PSEN1: variants seen among roughly 807,000 people sequenced by gnomAD.
PSEN1 encodes the protein presenilin 1, also known as presenilin-1.
Under a neutral mutation model 53.5 loss-of-function variants are expected in PSEN1, and 15 were observed. The observed-to-expected ratio is 0.28, with a 90% CI of 0.19 to 0.43. The LOEUF (loss-of-function observed/expected upper bound fraction) is 0.43. Among genes scored for constraint, PSEN1 ranks in the 20% least tolerant of loss-of-function variants. The pLI is 1.00. For missense variants in PSEN1, 387 were observed against 571.2 expected, an observed-to-expected ratio of 0.68 and a Z score of 3.29; for synonymous variants, 208 against 209.8, an observed-to-expected ratio of 0.99 and a Z score of 0.08.
intron 7 of PSEN1, among the ~76,000 whole-genome samples, chr14:73,193,199 A>G (rs145727060): frequency 1.3e-5 from 2 of 152,018 alleles, no homozygotes; most frequent in Non-Finnish European, 2.9e-5. Flanking sequence ...AGTTCCAGCT[A>G]CTTAGGAGGC....
intron 5 of PSEN1, among the ~76,000 whole-genome samples, chr14:73,184,680 G>A (rs1422523806): frequency 4.0e-5 from 6 of 150,910 alleles, no homozygotes; most frequent in East Asian, 2.0e-4. Context: ...CGGAGCGGCT[G>A]GCGGGGCGGG....
At chr14:73,171,905 C>T (rs1056695590) in intron 4 of PSEN1, among the ~76,000 whole-genome samples, 3 of 152,222 alleles carry the variant, frequency 2.0e-5, no homozygotes, top group African/African-American at 7.2e-5. Flanking sequence ...TCTCCTAACA[C>T]GATTAAGTCC....
chr14:73,170,826 C>T lies in PSEN1; in HGVS notation c.117C>T (p.Asn39=), dbSNP rs201900780. ...ACAATAGAGAACGGCAGGAGCACAA[C>T]GACAGACGGAGCCTTGGCCACCCTG... ...QNDNRERQEH[N]DRRSLGHPEP... is the part of the protein sequence containing the mutation. The change falls in exon 4 of 12, where the codon AAC becomes AAT. Residue 39 remains asparagine, a synonymous_variant. Transcript: ENST00000324501. The T allele has an allele frequency of 1.9e-5, 31 of 1,613,286 alleles. No homozygotes were observed. Among genetic ancestry groups the T allele is most frequent in the African/African-American group, 5.3e-5 (4 of 75,040 alleles).
At chr14:73,155,469 T>C (rs912957921) in intron 3 of PSEN1, among the ~76,000 whole-genome samples, 2 of 152,212 alleles carry the variant, frequency 1.3e-5, no homozygotes, top group African/African-American at 2.4e-5. Flanking sequence ...ATGAGGTATA[T>C]TTATATGTCT....
intron 1 of PSEN1, among the ~76,000 whole-genome samples, chr14:73,143,565 A>G (rs1896985717): frequency 6.6e-6 from 1 of 152,194 alleles, no homozygotes; most frequent in African/African-American, 2.4e-5. Flanking sequence ...TGAAGATAGT[A>G]TTGGAAAATG....
At chr14:73,158,650 TG>T (rs1398811760) in intron 3 of PSEN1, among the ~76,000 whole-genome samples, 1 of 152,190 alleles carries the variant, frequency 6.6e-6, no homozygotes, top group Non-Finnish European at 1.5e-5. Context: ...TTATAGAAGA[TG>T]GAGTCTTCCT....
chr14:73,175,451 G>C (rs1171535204), intron 5 of PSEN1, among the ~76,000 whole-genome samples: 1 of 150,992 alleles, frequency 6.6e-6, no homozygotes, highest in African/African-American at 2.4e-5. Context: ...AGACCAGCCT[G>C]AGCAACATAG....
chr14:73,151,568 A>G (rs953003841), intron 3 of PSEN1, among the ~76,000 whole-genome samples: 6 of 152,182 alleles, frequency 3.9e-5, no homozygotes, highest in African/African-American at 1.2e-4. Context: ...TTAAAAAGCT[A>G]TTTTGAAAAA....
intron 7 of PSEN1, among the ~76,000 whole-genome samples, chr14:73,193,135 C>T (rs1231441898): frequency 6.6e-6 from 1 of 151,980 alleles, no homozygotes; most frequent in Non-Finnish European, 1.5e-5. Context: ...CATGGCAAAA[C>T]CTCGTATCTA....
At chr14:73,194,831 G>A (rs991749041) in intron 7 of PSEN1, among the ~76,000 whole-genome samples, 1 of 152,030 alleles carries the variant, frequency 6.6e-6, no homozygotes, top group East Asian at 1.9e-4. Flanking sequence ...GCCTCCCAAA[G>A]TGTTGGGATT....
At chr14:73,138,974 AG>A (rs141545983) in intron 1 of PSEN1, among the ~76,000 whole-genome samples, 100 of 144,224 alleles carry the variant, frequency 6.9e-4, no homozygotes, top group African/African-American at 2.6e-4. Flanking sequence ...CAAGAAAAAA[AG>A]AAAAAAAATG....
At position 73,219,190 on chromosome 14, in the gene PSEN1, TC is replaced by T; in HGVS notation, c.1307del (p.Pro436GlnfsTer25). On this transcript the variant is annotated frameshift_variant, in exon 12 of 12. Coordinates refer to ENST00000324501, the MANE Select transcript of PSEN1 (RefSeq NM_000021.4). LOFTEE classifies it high-confidence loss of function. Reference protein sequence around the residue: ...AIFKKALPALPISITFGLVFY... With the variant: ...AIFKKALPALXISITFGLVFY... ...TTTTCAAGAAAGCATTGCCAGCTCT[TC>T]CAATCTCCATCACCTTTGGGCTTGT... 1 of 1,613,928 alleles carries T rather than the reference TC, an allele frequency of 6.2e-7. No homozygotes were observed. The highest frequency in any genetic ancestry group is 8.5e-7 in the Non-Finnish European group (1 of 1,179,758).
intron 11 of PSEN1, among the ~76,000 whole-genome samples, chr14:73,217,499 C>T (rs903724384): frequency 3.3e-5 from 5 of 152,146 alleles, no homozygotes; most frequent in Admixed American, 3.3e-4. Flanking sequence ...TTTTAAAATT[C>T]CCCAGGAAAT....
At chr14:73,215,753 A>T (rs938929467) in intron 10 of PSEN1, among the ~76,000 whole-genome samples, 1 of 152,216 alleles carries the variant, frequency 6.6e-6, no homozygotes, top group African/African-American at 2.4e-5. Flanking sequence ...AAAGATGCTC[A>T]ACATCATTAA....
At chr14:73,206,769 TAA>T (rs1448330781) in intron 9 of PSEN1, among the ~76,000 whole-genome samples, 1 of 152,044 alleles carries the variant, frequency 6.6e-6, no homozygotes, top group African/African-American at 2.4e-5. Context: ...TTGTTTTTTA[TAA>T]GTCATGATTT....
chr14:73,194,832 T>A (rs1255895374), intron 7 of PSEN1, among the ~76,000 whole-genome samples: 1 of 152,052 alleles, frequency 6.6e-6, no homozygotes, highest in Non-Finnish European at 1.5e-5. Context: ...CCTCCCAAAG[T>A]GTTGGGATTA....
chr14:73,196,851 G>A (rs1295649655), intron 7 of PSEN1, among the ~76,000 whole-genome samples: 4 of 150,322 alleles, frequency 2.7e-5, no homozygotes, highest in African/African-American at 9.8e-5. Flanking sequence ...TCCTTTACAA[G>A]TTTAGCTATA....
intron 5 of PSEN1, among the ~76,000 whole-genome samples, chr14:73,184,388 G>T (rs1374598157): frequency 1.6e-5 from 2 of 125,796 alleles, no homozygotes; most frequent in African/African-American, 6.3e-5. Flanking sequence ...GCCGGGCGGG[G>T]GGCTGACCCC....
At chr14:73,169,847 T>C (rs1392353098) in intron 3 of PSEN1, among the ~76,000 whole-genome samples, 1 of 152,136 alleles carries the variant, frequency 6.6e-6, no homozygotes, top group Non-Finnish European at 1.5e-5. Context: ...GGTTTCACCA[T>C]GTTGGCCAGG....
Sources: gnomAD v4.1 joint callset for allele counts (sites outside exome capture counted in the v4.1 genomes callset) on GRCh38, gnomAD v4.1.1 for gene constraint, MANE v1.5 for transcripts, NCBI Gene and HGNC (gene_info 2026-07-23, HGNC 2026-07-21) for gene names.